TSPAN5: variants seen among roughly 807,000 people sequenced by gnomAD.
The protein encoded by TSPAN5 is tetraspanin 5.
In TSPAN5, 10 loss-of-function variants were observed where a neutral mutation model predicts 37.1. That is an observed-to-expected ratio of 0.27 (90% CI 0.17 to 0.46). The LOEUF (loss-of-function observed/expected upper bound fraction) is 0.46. TSPAN5 is among the 20% of genes least tolerant of loss of function. TSPAN5 has a pLI of 1.00. For missense variants in TSPAN5, 195 were observed against 326.6 expected, an observed-to-expected ratio of 0.60 and a Z score of 3.11; for synonymous variants, 110 against 118.9, an observed-to-expected ratio of 0.93 and a Z score of 0.48.
At chr4:98,568,087 A>G (rs188911678) in intron 1 of TSPAN5, among the ~76,000 whole-genome samples, 1 of 152,286 alleles carries the variant, frequency 6.6e-6, no homozygotes, top group Admixed American at 6.5e-5. Context: ...TCTTGCACCA[A>G]TAGAGAAAAT....
At chr4:98,618,673 G>A (rs914726516) in intron 1 of TSPAN5, among the ~76,000 whole-genome samples, 2 of 152,102 alleles carry the variant, frequency 1.3e-5, no homozygotes, top group Admixed American at 6.5e-5. Flanking sequence ...CTAGGTCCAC[G>A]GGACTCTAAA....
intron 1 of TSPAN5, among the ~76,000 whole-genome samples, chr4:98,647,774 T>A (rs989917891): frequency 2.0e-5 from 3 of 152,082 alleles, no homozygotes; most frequent in East Asian, 1.9e-4. Context: ...ATCCTCTATG[T>A]ACATATGGAT....
intron 3 of TSPAN5, 96 bp from the exon 4 acceptor site, chr4:98,482,271 T>A (rs1012775774): frequency 4.5e-6 from 5 of 1,101,882 alleles, no homozygotes; most frequent in Non-Finnish European, 6.5e-6. Context: ...TGTAATTACA[T>A]TGGATTGTTA....
chr4:98,637,538 C>T (rs910020854), intron 1 of TSPAN5, among the ~76,000 whole-genome samples: 1 of 152,160 alleles, frequency 6.6e-6, no homozygotes, highest in Non-Finnish European at 1.5e-5. Context: ...GGTGTTTCAA[C>T]ATCTTATCTC....
chr4:98,537,605 G>A (rs35004023), intron 1 of TSPAN5, among the ~76,000 whole-genome samples: 1 of 152,198 alleles, frequency 6.6e-6, no homozygotes, highest in Non-Finnish European at 1.5e-5. Context: ...AATGAGCTTA[G>A]GTAATTCACT....
chr4:98,502,147 G>A (rs1753367638), intron 2 of TSPAN5, among the ~76,000 whole-genome samples: 2 of 152,240 alleles, frequency 1.3e-5, no homozygotes, highest in South Asian at 4.1e-4. Context: ...GGAAGAGCAG[G>A]TTGGGAGGGC....
chr4:98,562,846 G>C (rs1441292012), intron 1 of TSPAN5, among the ~76,000 whole-genome samples: 3 of 152,154 alleles, frequency 2.0e-5, no homozygotes, highest in African/African-American at 7.2e-5. Context: ...GGGGAAAACA[G>C]TAATTCAATT....
At chr4:98,518,567 C>T (rs1052573004) in intron 1 of TSPAN5, among the ~76,000 whole-genome samples, 6 of 152,060 alleles carry the variant, frequency 3.9e-5, no homozygotes, top group Admixed American at 6.5e-5. Context: ...AAAGAGACGG[C>T]GATAGAAAGA....
intron 2 of TSPAN5, among the ~76,000 whole-genome samples, chr4:98,505,749 C>T (rs1753465083): frequency 6.6e-6 from 1 of 152,188 alleles, no homozygotes; most frequent in Non-Finnish European, 1.5e-5. Context: ...AGACACATGG[C>T]CAGCACTCAC....
At chr4:98,598,394 C>A (rs923906184) in intron 1 of TSPAN5, among the ~76,000 whole-genome samples, 3 of 150,986 alleles carry the variant, frequency 2.0e-5, no homozygotes, top group Non-Finnish European at 4.4e-5. Context: ...AATCACCCGT[C>A]TTCTGCGTCG....
At position 98,486,757 on chromosome 4, in the gene TSPAN5, T is replaced by C. The variant is rs752067876; in HGVS notation, c.260A>G (p.Asn87Ser). ...ACTTACAAACTTGAGAAGGAAAGTG[T>C]TTTCCCGTAGCGCTCCAATGCACCC... Reference protein sequence around the residue: ...FAGCIGALRENTFLLKFFSVF... With the variant: ...FAGCIGALRESTFLLKFFSVF... The change falls in exon 3 of 8, where the codon AAC (asparagine) becomes AGC (serine). Residue 87 changes from asparagine (N) to serine (S), a missense_variant. Coordinates refer to ENST00000305798, the MANE Select transcript of TSPAN5 (RefSeq NM_005723.4). 4 of 1,613,924 alleles carry C rather than the reference T, an allele frequency of 2.5e-6. No individual in the cohort carries two copies. The Admixed American group carries it at 6.7e-5, about 27-fold the overall frequency.
intron 1 of TSPAN5, among the ~76,000 whole-genome samples, chr4:98,645,195 A>T (rs938027818): frequency 2.6e-5 from 4 of 152,200 alleles, no homozygotes; most frequent in Non-Finnish European, 5.9e-5. Context: ...CACTTGCTAC[A>T]CTTGTTAACC....
intron 1 of TSPAN5, among the ~76,000 whole-genome samples, chr4:98,647,753 C>T (rs1354017718): frequency 6.6e-6 from 1 of 151,946 alleles, no homozygotes; most frequent in African/African-American, 2.4e-5. Flanking sequence ...CCTTGTGATT[C>T]ATAACTAACA....
At chr4:98,647,877 AAAG>A (rs898058289) in intron 1 of TSPAN5, among the ~76,000 whole-genome samples, 4 of 152,072 alleles carry the variant, frequency 2.6e-5, no homozygotes, top group African/African-American at 9.7e-5. Flanking sequence ...AAAAAAAAAA[AAAG>A]GAGTGGTGTT....
intron 1 of TSPAN5, among the ~76,000 whole-genome samples, chr4:98,529,353 T>C (rs182804797): frequency 5.3e-5 from 8 of 152,238 alleles, no homozygotes; most frequent in Non-Finnish European, 1.0e-4. Context: ...CAAGCCTGAT[T>C]TGAAAATGAT....
intron 1 of TSPAN5, among the ~76,000 whole-genome samples, chr4:98,551,178 A>G (rs1430930215): frequency 3.3e-5 from 5 of 152,082 alleles, no homozygotes; most frequent in Admixed American, 6.6e-5. Context: ...GATGTATCAC[A>G]TTTCTTCATT....
chr4:98,582,135 G>A (rs950162348), intron 1 of TSPAN5, among the ~76,000 whole-genome samples: 2 of 152,200 alleles, frequency 1.3e-5, no homozygotes, highest in African/African-American at 4.8e-5. Flanking sequence ...AGAGTACTAA[G>A]TGAAAATGCA....
intron 1 of TSPAN5, among the ~76,000 whole-genome samples, chr4:98,556,803 G>A (rs1419583784): frequency 1.3e-5 from 2 of 152,170 alleles, no homozygotes; most frequent in Non-Finnish European, 2.9e-5. Context: ...GGACTACTGG[G>A]CTGGGTCTTT....
chr4:98,592,880 T>G (rs1395681617), intron 1 of TSPAN5, among the ~76,000 whole-genome samples: 1 of 148,824 alleles, frequency 6.7e-6, no homozygotes, highest in Non-Finnish European at 1.5e-5. Context: ...CTATTGTGAA[T>G]AGTGCCGCAA....
Sources: allele counts gnomAD v4.1 joint callset (sites outside exome capture counted in the v4.1 genomes callset), GRCh38; gene constraint gnomAD v4.1.1; transcripts MANE v1.5; gene names NCBI Gene and HGNC (gene_info 2026-07-23, HGNC 2026-07-21).